The following HMGB1 variants were observed in gnomAD, a reference collection of about 807,000 sequenced individuals.
HMGB1 encodes the protein high mobility group protein B1.
For missense variants in HMGB1, 79 were observed against 253.5 expected (o/e 0.31, Z 4.67); for synonymous variants, 81 against 84.0 (o/e 0.96, Z 0.19).
At chr13:30,462,294 TC>T in intron 4 of HMGB1, 1 of 512,576 alleles carries the variant, frequency 2.0e-6, no homozygotes, top group South Asian at 2.0e-5. Flanking sequence ...TTCATGAACT[TC>T]AAGATACTGG....
At chr13:30,571,542 C>T (rs1368271705) in intron 1 of HMGB1, among the ~76,000 whole-genome samples, 1 of 152,140 alleles carries the variant, frequency 6.6e-6, no homozygotes, top group Non-Finnish European at 1.5e-5. Flanking sequence ...GATCTGCCCG[C>T]CTTAGCCTCC....
chr13:30,491,938 G>C (rs151105956), intron 1 of HMGB1, among the ~76,000 whole-genome samples: 11,766 of 152,220 alleles, frequency 0.077, 1,500 homozygotes, highest in African/African-American at 0.27. Flanking sequence ...GGAGGCCGAG[G>C]CGGGCAGATC....
intron 1 of HMGB1, chr13:30,465,294 CGCCGCCCGCCCG>C (rs1251389006): frequency 7.1e-6 from 1 of 140,944 alleles, no homozygotes; most frequent in African/African-American, 2.6e-5. Flanking sequence ...CCGCCCGCCC[CGCCGCCCGCCCG>C]GCTGGCCGCG....
intron 1 of HMGB1, among the ~76,000 whole-genome samples, chr13:30,592,655 T>G (rs111932731): frequency 0.027 from 4,103 of 151,850 alleles, 86 homozygotes; most frequent in Non-Finnish European, 0.039. Flanking sequence ...TAAAATGAAT[T>G]GTTTAAGAAT....
In HMGB1 at chr13:30,587,365, G is replaced by C. The variant is rs140822386; in HGVS notation, c.-15+29306C>G. On this transcript the variant is annotated intron_variant, in intron 1 of 4. Transcript: ENST00000405805. ...GGAGTCTCACTATGTTGCCCAGGCTGGAGTGCAGTGGCTATTTGCAGGCAT... is the reference window on the plus strand; with the variant it reads ...GGAGTCTCACTATGTTGCCCAGGCTCGAGTGCAGTGGCTATTTGCAGGCAT... Among the ~76,000 whole-genome samples the C allele has an allele frequency of 1.9e-4, 29 of 152,188 alleles. 1 individual carries two copies. Among genetic ancestry groups the C allele is most frequent in the African/African-American group, 6.7e-4 (28 of 41,534 alleles).
intron 1 of HMGB1, among the ~76,000 whole-genome samples, chr13:30,525,373 A>C (rs1888339329): frequency 6.6e-6 from 1 of 152,100 alleles, no homozygotes; most frequent in Non-Finnish European, 1.5e-5. Context: ...CGTACTCCCA[A>C]CCCCCACTGG....
intron 1 of HMGB1, chr13:30,542,704 G>C (rs906955859): frequency 4.8e-6 from 1 of 210,496 alleles, no homozygotes; most frequent in Non-Finnish European, 9.9e-6. Context: ...ATTTCCCAAT[G>C]AATGAAAATT....
chr13:30,464,413 C>G, intron 1 of HMGB1: 1 of 985,442 alleles, frequency 1.0e-6, no homozygotes, highest in Non-Finnish European at 1.2e-6. Flanking sequence ...GCCCCCTCCC[C>G]CAACTCGGGA....
At chr13:30,484,687 T>C (rs1593269527) in intron 1 of HMGB1, among the ~76,000 whole-genome samples, 1 of 151,046 alleles carries the variant, frequency 6.6e-6, no homozygotes, top group South Asian at 2.1e-4. Context: ...CTAGGAAACA[T>C]TGTGAGACCC....
chr13:30,537,018 T>A (rs1008459109), intron 1 of HMGB1, among the ~76,000 whole-genome samples: 1 of 152,334 alleles, frequency 6.6e-6, no homozygotes, highest in Admixed American at 6.5e-5. Flanking sequence ...TGTTCGTATA[T>A]TTGTGATGTC....
chr13:30,556,132 T>G (rs1311354784), intron 1 of HMGB1, among the ~76,000 whole-genome samples: 1 of 152,060 alleles, frequency 6.6e-6, no homozygotes, highest in African/African-American at 2.4e-5. Context: ...AGGCTGGGCG[T>G]GGTGGCTCAC....
At chr13:30,617,547 A>G (rs1456198620) in exon 1 of HMGB1, 1 of 152,230 alleles carries the variant, frequency 6.6e-6, no homozygotes, top group Non-Finnish European at 1.5e-5. Context: ...GGACCACGGA[A>G]CAGCGACGCG....
intron 1 of HMGB1, among the ~76,000 whole-genome samples, chr13:30,612,859 C>T (rs1287082072): frequency 2.0e-5 from 3 of 152,204 alleles, no homozygotes; most frequent in Non-Finnish European, 4.4e-5. Context: ...CGTTCTGCTG[C>T]TTTCTGAACT....
intron 1 of HMGB1, among the ~76,000 whole-genome samples, chr13:30,525,489 C>T (rs1888341970): frequency 6.6e-6 from 1 of 152,174 alleles, no homozygotes; most frequent in South Asian, 2.1e-4. Flanking sequence ...TGTCCTATGA[C>T]TCTTTAGCCC....
At chr13:30,484,765 AAGAGGAGAGG>A (rs71858402) in intron 1 of HMGB1, among the ~76,000 whole-genome samples, 2 of 150,418 alleles carry the variant, frequency 1.3e-5, no homozygotes, top group African/African-American at 4.9e-5. Flanking sequence ...AGGAAGAGGA[AAGAGGAGAGG>A]AGAGGAGAGG....
At chr13:30,550,013 G>A (rs1228583152) in intron 1 of HMGB1, among the ~76,000 whole-genome samples, 3 of 151,628 alleles carry the variant, frequency 2.0e-5, no homozygotes, top group Non-Finnish European at 4.4e-5. Context: ...CACCACACCT[G>A]GCCACAAACA....
intron 1 of HMGB1, among the ~76,000 whole-genome samples, chr13:30,546,536 T>C (rs952209182): frequency 6.6e-6 from 1 of 152,192 alleles, no homozygotes; most frequent in Non-Finnish European, 1.5e-5. Context: ...CAAGCTATAG[T>C]TCAGTGGAAC....
intron 1 of HMGB1, among the ~76,000 whole-genome samples, chr13:30,538,203 A>G (rs1441854982): frequency 6.6e-6 from 1 of 152,238 alleles, no homozygotes; most frequent in Non-Finnish European, 1.5e-5. Context: ...GGTTTCTTCA[A>G]TAATACACAG....
At chr13:30,607,438 G>A (rs1016105241) in intron 1 of HMGB1, among the ~76,000 whole-genome samples, 5 of 150,830 alleles carry the variant, frequency 3.3e-5, no homozygotes, top group Admixed American at 6.6e-5. Context: ...CTACTTGCTC[G>A]CTCTCTTCTG....
Sources: allele counts gnomAD v4.1 joint callset (sites outside exome capture counted in the v4.1 genomes callset), GRCh38; gene constraint gnomAD v4.1.1; transcripts MANE v1.5; gene names NCBI Gene and HGNC (gene_info 2026-07-23, HGNC 2026-07-21).